The following TNR variants were observed in gnomAD, a reference collection of about 807,000 sequenced individuals.
The protein encoded by TNR is tenascin-R.
TNR carries 45 observed loss-of-function variants against 150.4 expected under a neutral mutation model. That is an observed-to-expected ratio of 0.30 (90% confidence interval 0.24 to 0.38). The LOEUF (loss-of-function observed/expected upper bound fraction) is 0.38. Among genes scored for constraint, TNR ranks in the 10% least tolerant of loss-of-function variants. The pLI is 1.00. For synonymous variants in TNR, 687 were observed against 678.4 expected, an observed-to-expected ratio of 1.01 and a Z score of -0.20; for missense variants, 1,544 against 1,759.1, an observed-to-expected ratio of 0.88 and a Z score of 2.19.
chr1:175,592,981 T>C (rs760963909), intron 1 of TNR, among the ~76,000 whole-genome samples: 3 of 152,176 alleles, frequency 2.0e-5, no homozygotes, highest in African/African-American at 7.2e-5. Flanking sequence ...CTACCTACAG[T>C]GCTGGAAGAT....
chr1:175,499,468 C>T (rs1484460250), intron 2 of TNR, among the ~76,000 whole-genome samples: 1 of 152,226 alleles, frequency 6.6e-6, no homozygotes, highest in African/African-American at 2.4e-5. Context: ...GTACCTCTGG[C>T]TCAACTTAAG....
intron 20 of TNR, among the ~76,000 whole-genome samples, chr1:175,331,065 CTTTCTTTCTTTCCTTCT>C (rs1649807597): frequency 2.3e-5 from 3 of 129,800 alleles, no homozygotes; most frequent in African/African-American, 9.3e-5. Context: ...TTCTTTCTTT[CTTTCTTTCTTTCCTTCT>C]TTCTTTCTTT....
chr1:175,423,061 G>A (rs56075990), intron 2 of TNR, among the ~76,000 whole-genome samples: 12,750 of 152,242 alleles, frequency 0.084, 669 homozygotes, highest in Non-Finnish European at 0.11. Context: ...TGAGCAAGTC[G>A]TGTGACTGCT....
chr1:175,743,014 A>G (rs924513747), intron 1 of TNR, among the ~76,000 whole-genome samples: 9 of 151,332 alleles, frequency 5.9e-5, no homozygotes, highest in African/African-American at 2.2e-4. Context: ...CCAGAGTCCA[A>G]TCCCCCTTTA....
intron 2 of TNR, among the ~76,000 whole-genome samples, chr1:175,522,320 G>A (rs957905012): frequency 2.6e-5 from 4 of 152,168 alleles, no homozygotes; most frequent in South Asian, 2.1e-4. Flanking sequence ...TTGAAACATC[G>A]TATGTTCTCA....
At chr1:175,520,477 A>G (rs1659593082) in intron 2 of TNR, among the ~76,000 whole-genome samples, 1 of 152,022 alleles carries the variant, frequency 6.6e-6, no homozygotes, top group Non-Finnish European at 1.5e-5. Context: ...TCGTATATTC[A>G]CCCTGCCACC....
chr1:175,646,527 C>T (rs1664814995), intron 1 of TNR, among the ~76,000 whole-genome samples: 1 of 152,220 alleles, frequency 6.6e-6, no homozygotes, highest in Admixed American at 6.5e-5. Flanking sequence ...TTAAAATACT[C>T]AGTAGAGAAA....
chr1:175,438,473 C>G (rs1280559206), intron 2 of TNR, among the ~76,000 whole-genome samples: 1 of 152,172 alleles, frequency 6.6e-6, no homozygotes, highest in East Asian at 1.9e-4. Flanking sequence ...TGGCAGAAGA[C>G]AGGGATGCCC....
At chr1:175,351,248 C>G (rs1651037933) in intron 18 of TNR, among the ~76,000 whole-genome samples, 1 of 152,142 alleles carries the variant, frequency 6.6e-6, no homozygotes, top group African/African-American at 2.4e-5. Context: ...AGCTGATACC[C>G]TTGTATTCTT....
chr1:175,629,225 A>C (rs1271634019), intron 1 of TNR, among the ~76,000 whole-genome samples: 1 of 152,164 alleles, frequency 6.6e-6, no homozygotes, highest in Non-Finnish European at 1.5e-5. Context: ...ATCCAGGCTA[A>C]GATGTTTCTA....
intron 1 of TNR, among the ~76,000 whole-genome samples, chr1:175,595,570 A>C (rs1163617412): frequency 1.3e-5 from 2 of 152,156 alleles, no homozygotes; most frequent in Non-Finnish European, 2.9e-5. Flanking sequence ...TGGCTTTGCA[A>C]CTATTTCCCA....
chr1:175,507,578 C>T (rs549678070), intron 2 of TNR, among the ~76,000 whole-genome samples: 1 of 151,888 alleles, frequency 6.6e-6, no homozygotes, highest in African/African-American at 2.4e-5. Flanking sequence ...TGACACATAC[C>T]CCATACTTCA....
In TNR at chr1:175,545,587, A is replaced by G. The variant is rs529662897; in HGVS notation, c.-164-17218T>C. On this transcript the variant is annotated intron_variant, in intron 1 of 22. Coordinates refer to ENST00000367674, the MANE Select transcript of TNR (RefSeq NM_003285.3). The stretch of plus-strand genomic sequence containing the variant: ...CTCTGATTCCCTCTTAATATTAAAA[A>G]TAATGATAGCAAACACATAGTGCTC... Among the ~76,000 whole-genome samples the G allele has an allele frequency of 3.3e-5, 5 of 152,320 alleles. No individual in the cohort carries two copies. In the East Asian group the frequency reaches 9.6e-4, roughly 29 times the overall value.
chr1:175,535,798 G>A (rs915128866), intron 1 of TNR, among the ~76,000 whole-genome samples: 4 of 152,178 alleles, frequency 2.6e-5, no homozygotes, highest in Non-Finnish European at 5.9e-5. Flanking sequence ...CTTTATGGCA[G>A]TGGTTCTTAT....
chr1:175,346,888 G>A (rs116770350), intron 18 of TNR, among the ~76,000 whole-genome samples: 557 of 124,362 alleles, frequency 4.5e-3, no homozygotes, highest in African/African-American at 5.5e-3. Flanking sequence ...TTCCACAAAA[G>A]AAAAAAAAAA....
intron 2 of TNR, among the ~76,000 whole-genome samples, chr1:175,477,978 T>G (rs1657620720): frequency 6.6e-6 from 1 of 152,184 alleles, no homozygotes; most frequent in African/African-American, 2.4e-5. Context: ...CCCAACATGC[T>G]TCTGGGTGGC....
chr1:175,336,687 C>T (rs1650268533), intron 19 of TNR, among the ~76,000 whole-genome samples: 1 of 152,202 alleles, frequency 6.6e-6, no homozygotes, highest in African/African-American at 2.4e-5. Context: ...TTTTCCTGAC[C>T]ACTGGTGCTC....
Position 175,535,918 on chromosome 1 carries a change from A to G in TNR, c.-164-7549T>C, listed in dbSNP as rs907333177. Among the ~76,000 whole-genome samples, 30 of 152,188 alleles carry G rather than the reference A, an allele frequency of 2.0e-4. 1 individual carries two copies. Among genetic ancestry groups the G allele is most frequent in the Non-Finnish European group, 7.3e-5 (5 of 68,028 alleles). On this transcript the variant is annotated intron_variant, in intron 1 of 22. Transcript: ENST00000367674. ...TCCTCTAATTTTAAATGTAGGCAGCAAGTCACAGTAGTATCAGCAGAAACT... is the reference window on the plus strand; with the variant it reads ...TCCTCTAATTTTAAATGTAGGCAGCGAGTCACAGTAGTATCAGCAGAAACT...
At chr1:175,340,281 G>A (rs1469316154) in intron 18 of TNR, among the ~76,000 whole-genome samples, 1 of 152,128 alleles carries the variant, frequency 6.6e-6, no homozygotes, top group African/African-American at 2.4e-5. Context: ...TGCTGGGTGC[G>A]CTTGCCTTCC....
Sources: gnomAD v4.1 joint callset for allele counts (sites outside exome capture counted in the v4.1 genomes callset) on GRCh38, gnomAD v4.1.1 for gene constraint, MANE v1.5 for transcripts, NCBI Gene and HGNC (gene_info 2026-07-23, HGNC 2026-07-21) for gene names.